ENTREP2: variants seen among roughly 807,000 people sequenced by gnomAD.
The protein encoded by ENTREP2 is endosomal transmembrane epsin interactor 2.
the ENTREP2 span, among the ~76,000 whole-genome samples, chr15:29,490,229 T>G: frequency 1.8e-4 from 27 of 152,280 alleles, no homozygotes; most frequent in East Asian, 5.0e-3. Context: ...TGTTGGGAGT[T>G]TCTTCCTTCT....
the ENTREP2 span, among the ~76,000 whole-genome samples, chr15:29,544,259 A>C: frequency 1.6e-4 from 24 of 152,294 alleles, no homozygotes; most frequent in African/African-American, 5.3e-4. Flanking sequence ...ATTCAATATT[A>C]ATTGATATTT....
the ENTREP2 span, among the ~76,000 whole-genome samples, chr15:29,314,149 C>T: frequency 3.3e-5 from 5 of 152,188 alleles, no homozygotes; most frequent in African/African-American, 1.2e-4. Context: ...ATGGAATCTA[C>T]TCTTGGTGAA....
the ENTREP2 span, among the ~76,000 whole-genome samples, chr15:29,290,962 C>T: frequency 6.6e-6 from 1 of 152,250 alleles, no homozygotes; most frequent in Admixed American, 6.5e-5. Flanking sequence ...CATGTGCCCC[C>T]CTGCAGTTCC....
At chr15:29,219,689 A>T in the ENTREP2 span, among the ~76,000 whole-genome samples, 1 of 130,514 alleles carries the variant, frequency 7.7e-6, no homozygotes, top group Non-Finnish European at 1.6e-5. Flanking sequence ...CAGCCATAAA[A>T]AGGAATGAAT....
At chr15:29,364,185 CTT>C in the ENTREP2 span, among the ~76,000 whole-genome samples, 1 of 152,148 alleles carries the variant, frequency 6.6e-6, no homozygotes, top group Admixed American at 6.5e-5. Flanking sequence ...TGCAGTAAGT[CTT>C]AAGATGAGCT....
chr15:29,613,839 C>A, the ENTREP2 span: 1 of 165,016 alleles, frequency 6.1e-6, no homozygotes. Flanking sequence ...TTGCCCCTCT[C>A]ACCAGTTGTG....
chr15:29,228,619 C>G, the ENTREP2 span, among the ~76,000 whole-genome samples: 10 of 151,862 alleles, frequency 6.6e-5, no homozygotes, highest in Non-Finnish European at 1.5e-4. Context: ...TATATTTTAC[C>G]ATAACCAAAA....
the ENTREP2 span, among the ~76,000 whole-genome samples, chr15:29,254,400 A>G: frequency 1.3e-5 from 2 of 152,110 alleles, no homozygotes; most frequent in Non-Finnish European, 2.9e-5. Context: ...TGCCCCACTG[A>G]TATTGGCCAC....
chr15:29,589,689 G>A, the ENTREP2 span, among the ~76,000 whole-genome samples: 2 of 152,288 alleles, frequency 1.3e-5, no homozygotes, highest in East Asian at 1.9e-4. Context: ...CTATTCGGAT[G>A]TCAACTCTAT....
chr15:29,178,227 A>C, the ENTREP2 span, among the ~76,000 whole-genome samples: 1 of 151,270 alleles, frequency 6.6e-6, no homozygotes, highest in African/African-American at 2.4e-5. Flanking sequence ...CTGGGAGGTC[A>C]AGGCTGCCGT....
chr15:29,542,896 G>A, the ENTREP2 span, among the ~76,000 whole-genome samples: 19 of 152,186 alleles, frequency 1.2e-4, no homozygotes, highest in African/African-American at 4.6e-4. Flanking sequence ...CATAGTATGT[G>A]TCAGAATTTC....
At chr15:29,346,286 A>C in the ENTREP2 span, among the ~76,000 whole-genome samples, 42,892 of 152,090 alleles carry the variant, frequency 0.28, 7,650 homozygotes, top group African/African-American at 0.51. Flanking sequence ...ATGCTCTGAG[A>C]GAGAGGGTTT....
chr15:29,627,857 G>T, the ENTREP2 span, among the ~76,000 whole-genome samples: 1 of 152,248 alleles, frequency 6.6e-6, no homozygotes, highest in Non-Finnish European at 1.5e-5. Context: ...TCAGTTCATC[G>T]TATGTATGTG....
At chr15:29,210,001 T>C in the ENTREP2 span, among the ~76,000 whole-genome samples, 1 of 152,190 alleles carries the variant, frequency 6.6e-6, no homozygotes, top group African/African-American at 2.4e-5. Flanking sequence ...ATAATGCTTT[T>C]TACTTTCTGC....
At chr15:29,193,996 CTT>C in the ENTREP2 span, among the ~76,000 whole-genome samples, 9 of 152,116 alleles carry the variant, frequency 5.9e-5, no homozygotes. Flanking sequence ...TGAAGTATGA[CTT>C]AAATAAATGA....
chr15:29,454,349 C>T, the ENTREP2 span, among the ~76,000 whole-genome samples: 2 of 152,180 alleles, frequency 1.3e-5, no homozygotes, highest in African/African-American at 4.8e-5. Flanking sequence ...AGGTGGACAG[C>T]GTATGTCCTG....
chr15:29,588,505 A>G, the ENTREP2 span, among the ~76,000 whole-genome samples: 4 of 130,174 alleles, frequency 3.1e-5, no homozygotes, highest in African/African-American at 5.9e-5. Context: ...AGAGAGAGAG[A>G]GAGGGAGGGA....
the ENTREP2 span, among the ~76,000 whole-genome samples, chr15:29,166,890 T>C: frequency 6.6e-6 from 1 of 152,142 alleles, no homozygotes; most frequent in African/African-American, 2.4e-5. Context: ...AGAAAAAATC[T>C]GGAGGCATCG....
chr15:29,269,358 G>A, the ENTREP2 span: 4 of 1,614,168 alleles, frequency 2.5e-6, no homozygotes, highest in Middle Eastern at 1.6e-4. Flanking sequence ...TGTAGTCCCC[G>A]ATGACGTGCT....
Sources: gnomAD v4.1 joint callset for allele counts (sites outside exome capture counted in the v4.1 genomes callset) on GRCh38, gnomAD v4.1.1 for gene constraint, MANE v1.5 for transcripts, NCBI Gene and HGNC (gene_info 2026-07-23, HGNC 2026-07-21) for gene names.